Variants in FRYL observed in about 807,000 individuals in gnomAD.
FRYL encodes protein furry homolog-like.
Under a neutral mutation model 351.2 loss-of-function variants are expected in FRYL, and 150 were observed. That is an observed-to-expected ratio of 0.43 (90% CI 0.37 to 0.49). The LOEUF is 0.49. FRYL is among the 20% of genes least tolerant of loss of function. FRYL has a pLI of 0.00. For synonymous variants in FRYL, 1,153 were observed against 1,257.1 expected (o/e 0.92, Z 1.75); for missense variants, 3,036 against 3,619.3 (o/e 0.84, Z 4.13).
At chr4:48,629,112 C>A (rs1469633230) in intron 4 of FRYL, among the ~76,000 whole-genome samples, 11 of 151,200 alleles carry the variant, frequency 7.3e-5, no homozygotes, top group Non-Finnish European at 3.0e-5. Flanking sequence ...TTCCAAGGCT[C>A]ACAATCCTAT....
intron 1 of FRYL, among the ~76,000 whole-genome samples, chr4:48,732,976 T>C (rs1770904326): frequency 6.7e-6 from 1 of 149,554 alleles, no homozygotes; most frequent in African/African-American, 2.5e-5. Context: ...GAATGAAATA[T>C]TTAAAGTAGT....
chr4:48,519,870 A>G (rs1221925254), intron 55 of FRYL, among the ~76,000 whole-genome samples: 1 of 152,010 alleles, frequency 6.6e-6, no homozygotes, highest in Non-Finnish European at 1.5e-5. Flanking sequence ...AGTAGCTGGG[A>G]CTACACGTGT....
intron 9 of FRYL, among the ~76,000 whole-genome samples, chr4:48,607,501 A>C (rs1177358800): frequency 1.3e-5 from 2 of 152,208 alleles, no homozygotes; most frequent in Non-Finnish European, 2.9e-5. Context: ...TTTCCATTGA[A>C]ATATTAGAAT....
intron 2 of FRYL, among the ~76,000 whole-genome samples, chr4:48,704,872 C>A (rs1354907240): frequency 2.6e-5 from 4 of 151,880 alleles, no homozygotes; most frequent in Admixed American, 1.3e-4. Flanking sequence ...TCGCTTGAAC[C>A]CAGGAGACGG....
intron 3 of FRYL, among the ~76,000 whole-genome samples, chr4:48,638,999 T>C (rs1754815253): frequency 1.3e-5 from 2 of 152,008 alleles, no homozygotes; most frequent in South Asian, 4.1e-4. Flanking sequence ...GAGAAATACC[T>C]AATGTAGATG....
At chr4:48,731,045 CA>C (rs372047149) in intron 1 of FRYL, among the ~76,000 whole-genome samples, 3,976 of 141,700 alleles carry the variant, frequency 0.028, 63 homozygotes, top group Admixed American at 0.049. Context: ...AAATGGAAAG[CA>C]AAAAAAAAAG....
At chr4:48,758,044 T>A (rs1222918959) in intron 1 of FRYL, among the ~76,000 whole-genome samples, 1 of 152,196 alleles carries the variant, frequency 6.6e-6, no homozygotes, top group Non-Finnish European at 1.5e-5. Context: ...TGTAGAAAGC[T>A]GAAACTGGAT....
At chr4:48,763,265 C>T (rs537814674) in intron 1 of FRYL, among the ~76,000 whole-genome samples, 1 of 151,520 alleles carries the variant, frequency 6.6e-6, no homozygotes, top group South Asian at 2.1e-4. Flanking sequence ...AGTTTGAGAC[C>T]AGGCTGGGCA....
chr4:48,692,468 C>T (rs1162524537), intron 2 of FRYL, among the ~76,000 whole-genome samples: 12 of 151,954 alleles, frequency 7.9e-5, no homozygotes, highest in Admixed American at 3.9e-4. Flanking sequence ...TCTCAGTTCA[C>T]GGCAACCTCC....
chr4:48,562,056 C>A (rs1735641291), intron 32 of FRYL, among the ~76,000 whole-genome samples: 1 of 152,046 alleles, frequency 6.6e-6, no homozygotes, highest in African/African-American at 2.4e-5. Flanking sequence ...CTCTTTCTCA[C>A]TAAAAGAATT....
chr4:48,596,600 A>G (rs926911908), intron 13 of FRYL, among the ~76,000 whole-genome samples: 3 of 152,242 alleles, frequency 2.0e-5, no homozygotes, highest in Non-Finnish European at 4.4e-5. Context: ...TGGAGAACAT[A>G]TGGTACCTAC....
intron 1 of FRYL, among the ~76,000 whole-genome samples, chr4:48,740,293 T>TC (rs1771906319): frequency 7.0e-6 from 1 of 142,858 alleles, no homozygotes; most frequent in South Asian, 2.3e-4. Context: ...AATCTGATTT[T>TC]TTTTTTTTTT....
chr4:48,754,076 T>C (rs1247085027), intron 1 of FRYL, among the ~76,000 whole-genome samples: 2 of 152,204 alleles, frequency 1.3e-5, no homozygotes, highest in African/African-American at 2.4e-5. Context: ...TGCAATTGAG[T>C]GGCATTAAGT....
intron 2 of FRYL, among the ~76,000 whole-genome samples, chr4:48,695,060 TCAAACAAACAAA>T (rs574561990): frequency 2.0e-5 from 3 of 152,218 alleles, no homozygotes; most frequent in South Asian, 2.1e-4. Flanking sequence ...AGACCCTGTT[TCAAACAAACAAA>T]CAAACAAACA....
In FRYL at chr4:48,549,716, G is replaced by A; in HGVS notation, c.4634-93C>T. 2 of 1,014,134 alleles carry A rather than the reference G, an allele frequency of 2.0e-6. No individual in the cohort carries two copies. Among genetic ancestry groups the A allele is most frequent in the South Asian group, 2.2e-5 (1 of 46,040 alleles). The allele number at this position is 1,014,134 out of a possible 1,614,324, so 62.8% of individuals were successfully genotyped here. ...AGATCCCAACTATTTATATAGTATT[G>A]GAAAGTGATAAAAAAAATTTCCCAC... On this transcript the variant is annotated intron_variant, in intron 38 of 63. Transcript: ENST00000358350. This position sits in a 1 kb window ranked among gnomAD's most constrained non-coding sequence, Gnocchi z 4.2.
At chr4:48,632,898 CCT>C (rs765829232) in intron 4 of FRYL, among the ~76,000 whole-genome samples, 15 of 152,130 alleles carry the variant, frequency 9.9e-5, no homozygotes, top group Admixed American at 2.0e-4. Flanking sequence ...CTGTTGTTTT[CCT>C]CTCTCATCCT....
chr4:48,613,708 C>A (rs561055628), intron 7 of FRYL, among the ~76,000 whole-genome samples: 6 of 152,000 alleles, frequency 3.9e-5, no homozygotes, highest in Non-Finnish European at 7.4e-5. Context: ...GTAATCCCAG[C>A]ACTCTGGGAG....
chr4:48,640,065 C>A (rs779000121), intron 3 of FRYL, among the ~76,000 whole-genome samples: 1 of 152,058 alleles, frequency 6.6e-6, no homozygotes, highest in African/African-American at 2.4e-5. Context: ...GATGGGAATG[C>A]AAAATACTAC....
chr4:48,664,098 A>C (rs1410484682), intron 3 of FRYL, among the ~76,000 whole-genome samples: 1 of 152,042 alleles, frequency 6.6e-6, no homozygotes, highest in South Asian at 2.1e-4. Context: ...AAGCAAAGGA[A>C]CTCTGGCTGA....
Sources: allele counts gnomAD v4.1 joint callset (sites outside exome capture counted in the v4.1 genomes callset), GRCh38; gene constraint gnomAD v4.1.1; non-coding constraint Gnocchi (gnomAD v3.1); transcripts MANE v1.5; gene names NCBI Gene and HGNC (gene_info 2026-07-23, HGNC 2026-07-21).